LRRK2: variants seen among roughly 807,000 people sequenced by gnomAD.
LRRK2 encodes leucine rich repeat kinase 2.
In LRRK2, 203 loss-of-function variants were observed where a neutral mutation model predicts 302.6. The observed-to-expected ratio is 0.67, with a 90% CI of 0.60 to 0.75. The LOEUF is 0.75. LRRK2 is among the 30% of genes least tolerant of loss of function. LRRK2 has a pLI of 0.00. For missense variants in LRRK2, 2,830 were observed against 2,951.0 expected (o/e 0.96, Z 0.95); for synonymous variants, 1,066 against 1,031.9 (o/e 1.03, Z -0.63).
intron 5 of LRRK2, 72 bp downstream of exon 5, chr12:40,238,175 A>G (rs1444390939): frequency 7.0e-7 from 1 of 1,429,518 alleles, no homozygotes; most frequent in African/African-American, 1.4e-5. Context: ...AGTAGAACAC[A>G]GTTATAATAA....
intron 40 of LRRK2, among the ~76,000 whole-genome samples, chr12:40,337,774 T>A (rs1405695132): frequency 6.6e-6 from 1 of 152,226 alleles, no homozygotes; most frequent in Admixed American, 6.5e-5. Context: ...GCATCAAAGA[T>A]CTTTCTGTAT....
intron 40 of LRRK2, among the ~76,000 whole-genome samples, chr12:40,339,855 G>C (rs1196211489): frequency 6.6e-6 from 1 of 152,106 alleles, no homozygotes; most frequent in African/African-American, 2.4e-5. Flanking sequence ...CCTCTATGTG[G>C]TTTTAGGAAA....
At position 40,322,455 on chromosome 12, in the gene LRRK2, T is replaced by C. The variant is rs968750174; in HGVS notation, c.5454T>C (p.Asp1818=). The C allele has an allele frequency of 1.7e-5, 28 of 1,613,326 alleles. No individual in the cohort carries two copies. Among genetic ancestry groups the C allele is most frequent in the Middle Eastern group, 1.6e-4 (1 of 6,082 alleles). Residue 1818 remains aspartate, a synonymous_variant, in exon 37 of 51, where the codon GAT becomes GAC. Transcript: ENST00000298910. ...LKKWALYSFN[D]GEEHQKILLD... The stretch of plus-strand genomic sequence containing the variant: ...AATGGGCATTATATAGTTTTAATGA[T>C]GGTGAAGAACATCAAAAAATCTTAC...
intron 19 of LRRK2, among the ~76,000 whole-genome samples, chr12:40,285,384 T>C (rs1443535823): frequency 6.6e-6 from 1 of 152,104 alleles, no homozygotes; most frequent in African/African-American, 2.4e-5. Context: ...ACATAGTAGA[T>C]TATCATTTAG....
Position 40,257,277 on chromosome 12 carries a change from G to T in LRRK2, c.1318G>T (p.Gly440Ter). The T allele has an allele frequency of 6.3e-7, 1 of 1,585,592 alleles. No individual in the cohort carries two copies. The highest frequency in any genetic ancestry group is 8.7e-7 in the Non-Finnish European group (1 of 1,154,584). The change falls in exon 12 of 51, where the codon GGA (glycine) becomes TGA (stop). Residue 440 changes from glycine to a stop codon, truncating the protein, a stop_gained. Transcript: ENST00000298910. LOFTEE classifies it high-confidence loss of function. ...TTTCAGAAAAATACTGTTATCAAAA[G>T]GAATACACCTGAATGTTTTGGAGTT... ...VNFRKILLSK[G>*]IHLNVLELMQ...
chr12:40,349,091 T>A (rs1056573633), intron 43 of LRRK2, among the ~76,000 whole-genome samples: 1 of 152,226 alleles, frequency 6.6e-6, no homozygotes, highest in African/African-American at 2.4e-5. Flanking sequence ...TCCATTGGAA[T>A]TGACATTTTT....
At chr12:40,278,506 T>A (rs1449857762) in intron 18 of LRRK2, among the ~76,000 whole-genome samples, 1 of 152,236 alleles carries the variant, frequency 6.6e-6, no homozygotes, top group Non-Finnish European at 1.5e-5. Context: ...GATAAATAAC[T>A]TTTCAAATGT....
At chr12:40,256,617 G>C (rs1942521118) in intron 11 of LRRK2, among the ~76,000 whole-genome samples, 1 of 152,152 alleles carries the variant, frequency 6.6e-6, no homozygotes, top group South Asian at 2.1e-4. Context: ...CTATGTAAAT[G>C]CTTTCCATTC....
chr12:40,349,139 A>AT (rs1946280443), intron 43 of LRRK2, among the ~76,000 whole-genome samples: 1 of 151,900 alleles, frequency 6.6e-6, no homozygotes, highest in African/African-American at 2.4e-5. Flanking sequence ...TGGAAGACTA[A>AT]TTTTTTCAGG....
At position 40,335,644 on chromosome 12, in the gene LRRK2, C is replaced by A. The variant is rs181366263; in HGVS notation, c.5948+487C>A. 8.5e-5 allele frequency among the ~76,000 whole-genome samples: 13 copies of A among 152,258 alleles called. No individual in the cohort carries two copies. In the East Asian group the frequency reaches 2.5e-3, roughly 29 times the overall value. The stretch of plus-strand genomic sequence containing the variant: ...CACACTGGAGTGGAAAGGCTGTGGT[C>A]TTTGAAGACAAAAGGCCTGGGATTC... On this transcript the variant is annotated intron_variant, in intron 40 of 50. Coordinates refer to ENST00000298910, the MANE Select transcript of LRRK2 (RefSeq NM_198578.4).
At chr12:40,230,033 A>C (rs938148779) in intron 2 of LRRK2, among the ~76,000 whole-genome samples, 13 of 148,494 alleles carry the variant, frequency 8.8e-5, no homozygotes, top group Non-Finnish European at 1.2e-4. Flanking sequence ...TTCGGAAAAA[A>C]GTCTTGATGT....
chr12:40,298,834 A>G (rs1944501071), intron 24 of LRRK2, among the ~76,000 whole-genome samples: 1 of 114,010 alleles, frequency 8.8e-6, no homozygotes, highest in East Asian at 2.2e-4. Flanking sequence ...CATATATTAT[A>G]TATATTTATT....
At chr12:40,227,738 C>G (rs1482367355) in intron 2 of LRRK2, among the ~76,000 whole-genome samples, 4 of 152,156 alleles carry the variant, frequency 2.6e-5, no homozygotes, top group African/African-American at 9.7e-5. Flanking sequence ...CTCTGTTGCC[C>G]AGACTGGAGA....
chr12:40,278,357 C>G, intron 18 of LRRK2, 96 bp downstream of exon 18: 3 of 1,438,498 alleles, frequency 2.1e-6, no homozygotes, highest in Non-Finnish European at 2.9e-6. Flanking sequence ...TCATATTATT[C>G]TTCACTACAG....
chr12:40,240,720 G>A, intron 6 of LRRK2, 103 bp downstream of exon 6: 1 of 1,139,154 alleles, frequency 8.8e-7, no homozygotes, highest in Non-Finnish European at 1.3e-6. Context: ...AGAAACTTGT[G>A]GATGCTCAAC....
intron 46 of LRRK2, among the ~76,000 whole-genome samples, chr12:40,358,844 C>T (rs2137026902): frequency 6.6e-6 from 1 of 152,184 alleles, no homozygotes; most frequent in Admixed American, 6.5e-5. Flanking sequence ...TTAATTCTTC[C>T]AGTCTGTGAG....
rs57355300 is a variant in LRRK2, at chr12:40,298,798, T to TATATATATATAA, written c.3347+306_3347+307insTATATATATAAA. Among the ~76,000 whole-genome samples, 15 of 94,268 alleles carry TATATATATATAA rather than the reference T, an allele frequency of 1.6e-4. 1 individual carries two copies. Among genetic ancestry groups the TATATATATATAA allele is most frequent in the African/African-American group, 5.5e-4 (13 of 23,790 alleles). 61.8% of individuals were successfully genotyped at this position (94,268 alleles called of 152,430 possible). ...AAAGAAATATATATATATATATATATAATATATGTATTATAATATATAATA... is the reference window on the plus strand; with the variant it reads ...AAAGAAATATATATATATATATATATATATATATATAAAATATATGTATTATAATATATAATA... On this transcript the variant is annotated intron_variant, in intron 24 of 50. Transcript: ENST00000298910.
intron 11 of LRRK2, among the ~76,000 whole-genome samples, chr12:40,256,012 T>A (rs17490762): frequency 6.6e-6 from 1 of 152,212 alleles, no homozygotes; most frequent in East Asian, 1.9e-4. Flanking sequence ...TTTTTATGTT[T>A]CTTTTTCTGC....
chr12:40,291,518 T>A (rs1044622541), intron 20 of LRRK2, among the ~76,000 whole-genome samples: 17 of 151,822 alleles, frequency 1.1e-4, no homozygotes, highest in African/African-American at 4.1e-4. Context: ...ATTTTCCAAA[T>A]ATTTGGAGAT....
Sources: gnomAD v4.1 joint callset for allele counts (sites outside exome capture counted in the v4.1 genomes callset) on GRCh38, gnomAD v4.1.1 for gene constraint, MANE v1.5 for transcripts, NCBI Gene and HGNC (gene_info 2026-07-23, HGNC 2026-07-21) for gene names.